Variants in ATP9A observed in about 807,000 individuals in gnomAD.
The protein encoded by ATP9A is probable phospholipid-transporting ATPase IIA.
Under a neutral mutation model 144.1 loss-of-function variants are expected in ATP9A, and 52 were observed. The observed-to-expected ratio is 0.36, with a 90% CI of 0.29 to 0.45. The LOEUF (loss-of-function observed/expected upper bound fraction) is 0.45. Ranked by LOEUF, ATP9A falls within the 20% of genes least tolerant of loss-of-function variation. ATP9A has a pLI of 1.00. For missense variants in ATP9A, 947 were observed against 1,392.7 expected (o/e 0.68, Z 5.09); for synonymous variants, 582 against 557.4 (o/e 1.04, Z -0.62).
Position 51,631,068 on chromosome 20 carries a change from C to T in ATP9A, c.1669-1996G>A, listed in dbSNP as rs73267750. Reference sequence around the variant, plus strand: ...TTTCCCCCAATAAAACACCCTTTAACGACAAACTGGATTTGCCTGCCTTGT... The same window carrying T: ...TTTCCCCCAATAAAACACCCTTTAATGACAAACTGGATTTGCCTGCCTTGT... On this transcript the variant is annotated intron_variant, in intron 15 of 27. Transcript: ENST00000338821. Among the ~76,000 whole-genome samples, 1,266 of 152,302 alleles carry T rather than the reference C, an allele frequency of 8.3e-3. 16 individuals carry two copies. Among genetic ancestry groups the T allele is most frequent in the African/African-American group, 0.029 (1,190 of 41,558 alleles).
At chr20:51,610,043 G>T in intron 24 of ATP9A, 58 bp downstream of exon 24, 1 of 1,461,068 alleles carries the variant, frequency 6.8e-7, no homozygotes, top group Non-Finnish European at 9.6e-7. Flanking sequence ...TCTTCTCTCT[G>T]TTGCAGCATT....
At chr20:51,631,902 A>G (rs892214448) in intron 15 of ATP9A, among the ~76,000 whole-genome samples, 2 of 152,228 alleles carry the variant, frequency 1.3e-5, no homozygotes, top group Non-Finnish European at 2.9e-5. Context: ...AGAGACAGAC[A>G]TTCACACAAG....
chr20:51,629,641 C>G (rs1401468205), intron 15 of ATP9A, among the ~76,000 whole-genome samples: 1 of 152,236 alleles, frequency 6.6e-6, no homozygotes. Context: ...GGCAAACTGA[C>G]TGTCTCAGCT....
At position 51,618,654 on chromosome 20, in the gene ATP9A, TC is replaced by T. The variant is rs776319587; in HGVS notation, c.2350+7del. ...CAGGGCCAGCAGCACAGCCTGAGCC[TC>T]GCCTACCTACTGCACAGGTGAGCTT... On this transcript the variant is annotated splice_region_variant and intron_variant, in intron 21 of 27. Transcript: ENST00000338821. The T allele has an allele frequency of 6.2e-7, 1 of 1,608,668 alleles. No homozygotes were observed. The highest frequency in any genetic ancestry group is 8.5e-7 in the Non-Finnish European group (1 of 1,179,462).
chr20:51,713,114 G>C lies in ATP9A; in HGVS notation c.328-40C>G, dbSNP rs377190217. 9.0e-6 allele frequency: 14 copies of C among 1,555,764 alleles called. No individual in the cohort carries two copies. The African/African-American group carries it at 1.9e-4, about 21-fold the overall frequency. ...GACAGTGAGTCTTGCTACAGGCAGT[G>C]AGCCCTGCTGCAGCCAACCGTCCCC... On this transcript the variant is annotated intron_variant, in intron 3 of 27. Coordinates refer to ENST00000338821, the MANE Select transcript of ATP9A (RefSeq NM_006045.3).
chr20:51,600,833 C>T lies in ATP9A; in HGVS notation c.*378G>A, dbSNP rs2077139578. 1 of 177,590 alleles carries T rather than the reference C, an allele frequency of 5.6e-6. No individual in the cohort carries two copies. The highest frequency in any genetic ancestry group is 1.2e-5 in the Non-Finnish European group (1 of 83,904). The allele number at this position is 177,590 out of a possible 1,614,324, so 11.0% of individuals were successfully genotyped here. ...ACACACACACACACACACACACACA[C>T]ACACACACACACAAGCCTTCTACAA... On this transcript the variant is annotated 3_prime_UTR_variant, in exon 28 of 28. Coordinates refer to ENST00000338821, the MANE Select transcript of ATP9A (RefSeq NM_006045.3).
chr20:51,640,417 A>T (rs1337542854), intron 14 of ATP9A, among the ~76,000 whole-genome samples: 1 of 152,200 alleles, frequency 6.6e-6, no homozygotes, highest in Non-Finnish European at 1.5e-5. Context: ...AACACACAGG[A>T]CATACCACAC....
At chr20:51,634,459 G>A (rs565804780) in intron 15 of ATP9A, among the ~76,000 whole-genome samples, 32 of 152,180 alleles carry the variant, frequency 2.1e-4, no homozygotes, top group Non-Finnish European at 3.8e-4. Context: ...AGTGGGAAAA[G>A]CAGCAGCTGT....
intron 13 of ATP9A, 40 bp downstream of exon 13, chr20:51,669,957 G>T (rs2122786212): frequency 3.0e-6 from 4 of 1,317,654 alleles, no homozygotes; most frequent in African/African-American, 1.5e-5. Flanking sequence ...AAAAAAAAAA[G>T]TCAAAGAATT....
chr20:51,757,864 T>C (rs989462293), intron 1 of ATP9A, among the ~76,000 whole-genome samples: 5 of 151,890 alleles, frequency 3.3e-5, no homozygotes, highest in Admixed American at 6.6e-5. Flanking sequence ...TCGCACCCAC[T>C]GTACTCCAGC....
At chr20:51,733,895 A>G (rs1204074155) in intron 1 of ATP9A, among the ~76,000 whole-genome samples, 1 of 151,842 alleles carries the variant, frequency 6.6e-6, no homozygotes, top group East Asian at 1.9e-4. Flanking sequence ...GGTGGTCTCA[A>G]ACACCTGGCC....
chr20:51,608,553 T>A lies in ATP9A; in HGVS notation c.2710A>T (p.Met904Leu). The change falls in exon 25 of 28, where the codon ATG becomes TTG. Residue 904 changes from methionine (M) to leucine (L), a missense_variant. Coordinates refer to ENST00000338821, the MANE Select transcript of ATP9A (RefSeq NM_006045.3). The part of the protein sequence containing the change: ...LDKDVKSEVA[M>L]LYPELYKDLL... ...TCCTTGTAGAGCTCAGGATACAGCA[T>A]GGCAACTTCCGATTTGACATCTTTG... is the stretch of plus-strand genomic sequence containing the variant. 2 of 1,612,752 alleles carry A rather than the reference T, an allele frequency of 1.2e-6. No homozygotes were observed. The highest frequency in any genetic ancestry group is 2.2e-5 in the South Asian group (2 of 91,052).
chr20:51,686,582 A>G (rs1376493170), intron 9 of ATP9A, among the ~76,000 whole-genome samples: 2 of 152,214 alleles, frequency 1.3e-5, no homozygotes, highest in Non-Finnish European at 2.9e-5. Context: ...ATAGACCAGA[A>G]TATTAAGAAT....
chr20:51,626,196 GA>G (rs1314162605), intron 17 of ATP9A, among the ~76,000 whole-genome samples: 1 of 152,212 alleles, frequency 6.6e-6, no homozygotes, highest in Non-Finnish European at 1.5e-5. Context: ...ACAGCTTAAA[GA>G]AATTAGGGAG....
rs2077140796 is a variant in ATP9A, at chr20:51,601,099, A to C, written c.*112T>G. On this transcript the variant is annotated 3_prime_UTR_variant, in exon 28 of 28. Coordinates refer to ENST00000338821, the MANE Select transcript of ATP9A (RefSeq NM_006045.3). ...CAGAGCCACTTCCCATTAAAACTGCATGTGTTAGCAATTACTGCAAAATCC... is the reference window on the plus strand; with the variant it reads ...CAGAGCCACTTCCCATTAAAACTGCCTGTGTTAGCAATTACTGCAAAATCC... 6 of 1,322,668 alleles carry C rather than the reference A, an allele frequency of 4.5e-6. No homozygotes were observed. In the East Asian group the frequency reaches 1.5e-4, roughly 32 times the overall value. 81.9% of individuals were successfully genotyped at this position (1,322,668 alleles called of 1,614,324 possible).
intron 26 of ATP9A, among the ~76,000 whole-genome samples, chr20:51,606,467 C>A (rs2077164032): frequency 6.6e-6 from 1 of 152,236 alleles, no homozygotes; most frequent in East Asian, 1.9e-4. Flanking sequence ...GAGGCTGAGG[C>A]AAGAGAATTG....
chr20:51,763,452 A>G (rs968367954), intron 1 of ATP9A, among the ~76,000 whole-genome samples: 1 of 151,538 alleles, frequency 6.6e-6, no homozygotes, highest in Non-Finnish European at 1.5e-5. Flanking sequence ...AGCTGGGACT[A>G]CAAGTGCCCG....
At chr20:51,693,186 G>A (rs1295909288) in intron 7 of ATP9A, among the ~76,000 whole-genome samples, 1 of 152,236 alleles carries the variant, frequency 6.6e-6, no homozygotes, top group Non-Finnish European at 1.5e-5. Context: ...CAGGGATGCT[G>A]CCTGGAAGTG....
At chr20:51,704,641 A>G (rs2077607697) in intron 4 of ATP9A, among the ~76,000 whole-genome samples, 1 of 152,152 alleles carries the variant, frequency 6.6e-6, no homozygotes, top group African/African-American at 2.4e-5. Flanking sequence ...TTAGCTGGGC[A>G]TGGTGGCACA....
Sources: gnomAD v4.1 joint callset for allele counts (sites outside exome capture counted in the v4.1 genomes callset) on GRCh38, gnomAD v4.1.1 for gene constraint, MANE v1.5 for transcripts, NCBI Gene and HGNC (gene_info 2026-07-23, HGNC 2026-07-21) for gene names.